Variants in PCDHGB1 observed in about 807,000 individuals in gnomAD.
The protein encoded by PCDHGB1 is protocadherin gamma subfamily B, 1.
In PCDHGB1, 34 loss-of-function variants were observed where a neutral mutation model predicts 56.6. The ratio of observed to expected loss-of-function variants is 0.60; its 90% CI spans 0.46 to 0.80. The LOEUF is 0.80. Among genes scored for constraint, PCDHGB1 ranks in the 30% least tolerant of loss-of-function variants. The pLI is 0.00. For missense variants in PCDHGB1, 1,278 were observed against 1,204.6 expected (o/e 1.06, Z -0.90); for synonymous variants, 561 against 505.9 (o/e 1.11, Z -1.46).
chr5:141,396,870 A>G (rs536206475), intron 1 of PCDHGB1, among the ~76,000 whole-genome samples: 3 of 152,328 alleles, frequency 2.0e-5, no homozygotes, highest in African/African-American at 7.2e-5. Flanking sequence ...TACCATTTGG[A>G]TGCACATTTG....
intron 1 of PCDHGB1, among the ~76,000 whole-genome samples, chr5:141,481,109 A>G (rs959629019): frequency 6.6e-6 from 1 of 152,186 alleles, no homozygotes; most frequent in Non-Finnish European, 1.5e-5. Flanking sequence ...GGAACCTACC[A>G]ATCCATCATT....
intron 1 of PCDHGB1, chr5:141,393,241 A>C (rs377394191): frequency 1.8e-4 from 292 of 1,613,684 alleles, no homozygotes; most frequent in Non-Finnish European, 2.3e-4. Context: ...GTAAAAATTA[A>C]CGAAATCGCG....
intron 3 of PCDHGB1, among the ~76,000 whole-genome samples, chr5:141,508,841 C>A (rs969875150): frequency 6.6e-6 from 1 of 152,140 alleles, no homozygotes; most frequent in East Asian, 1.9e-4. Context: ...TCCCCTACCC[C>A]TTCCATTCCC....
intron 1 of PCDHGB1, chr5:141,362,457 G>C (rs1290295372): frequency 6.2e-7 from 1 of 1,614,004 alleles, no homozygotes; most frequent in South Asian, 1.1e-5. Context: ...CCCCGGAATT[G>C]GTTCCCGCGC....
chr5:141,466,683 A>G (rs1347308492), intron 1 of PCDHGB1, among the ~76,000 whole-genome samples: 1 of 152,170 alleles, frequency 6.6e-6, no homozygotes, highest in African/African-American at 2.4e-5. Context: ...CTTCCACTCA[A>G]GCTTCATCAT....
chr5:141,351,350 C>T lies in PCDHGB1; in HGVS notation c.1090C>T (p.Leu364Phe), dbSNP rs868438981. Residue 364 changes from leucine to phenylalanine, a missense_variant, in exon 1 of 4, where the codon CTC (leucine) becomes TTC (phenylalanine). Leu to Phe is a conservative substitution (Grantham distance 22). Transcript: ENST00000523390. ...EDSDLGTVIA[L>F]IKVRDKDSGQ... ...TTCAGACCTTGGAACTGTAATAGCC[C>T]TCATAAAAGTGCGAGACAAGGATTC... is the stretch of plus-strand genomic sequence containing the variant. 5.6e-6 allele frequency: 9 copies of T among 1,613,300 alleles called. No individual in the cohort carries two copies. The highest frequency in any genetic ancestry group is 5.3e-5 in the African/African-American group (4 of 75,036).
At chr5:141,400,609 A>G (rs376731583) in intron 1 of PCDHGB1, 129 of 1,577,604 alleles carry the variant, frequency 8.2e-5, no homozygotes, top group South Asian at 3.2e-4. Flanking sequence ...TTCAAGTCCA[A>G]TGAGTTGTCT....
In PCDHGB1 at chr5:141,432,908, C is replaced by T. The variant is rs757934634; in HGVS notation, c.2410-61899C>T. On this transcript the variant is annotated intron_variant, in intron 1 of 3. Transcript: ENST00000523390. This position sits in a 1 kb window ranked among gnomAD's most constrained non-coding sequence, Gnocchi z 6.0. Reference sequence around the variant, plus strand: ...CATCTTGCTGCTGGCGCTCAGGCTGCGGCGCTGGCACAAGTCACGCCTGCT... The same window carrying T: ...CATCTTGCTGCTGGCGCTCAGGCTGTGGCGCTGGCACAAGTCACGCCTGCT... 3.7e-5 allele frequency: 60 copies of T among 1,614,050 alleles called. No individual in the cohort carries two copies. Among genetic ancestry groups the T allele is most frequent in the Middle Eastern group, 3.3e-4 (2 of 6,082 alleles).
intron 1 of PCDHGB1, among the ~76,000 whole-genome samples, chr5:141,406,174 G>T (rs990967391): frequency 6.6e-6 from 1 of 151,264 alleles, no homozygotes; most frequent in African/African-American, 2.4e-5. Context: ...CTGGGCTTAT[G>T]CAATCCTCCC....
At chr5:141,392,160 T>C (rs1426961496) in intron 1 of PCDHGB1, 1 of 152,220 alleles carries the variant, frequency 6.6e-6, no homozygotes, top group Non-Finnish European at 1.5e-5. Context: ...TAAAACAATT[T>C]CTGAGTCAGT....
intron 1 of PCDHGB1, chr5:141,393,007 G>C: frequency 6.2e-7 from 1 of 1,613,850 alleles, no homozygotes; most frequent in Non-Finnish European, 8.5e-7. Context: ...CACGGAGTCC[G>C]TATCGTCTCC....
At chr5:141,380,998 A>G (rs1382906356) in intron 1 of PCDHGB1, among the ~76,000 whole-genome samples, 1 of 152,262 alleles carries the variant, frequency 6.6e-6, no homozygotes, top group East Asian at 1.9e-4. Context: ...CAGTTTACAG[A>G]ATTCATCTAT....
chr5:141,451,576 C>G (rs997933491), intron 1 of PCDHGB1, among the ~76,000 whole-genome samples: 10 of 152,164 alleles, frequency 6.6e-5, no homozygotes, highest in Middle Eastern at 3.4e-3. Context: ...TTTTTATAAA[C>G]CTAATTTTGA....
intron 1 of PCDHGB1, chr5:141,433,153 A>G (rs896611410): frequency 3.1e-6 from 5 of 1,613,482 alleles, no homozygotes; most frequent in African/African-American, 2.7e-5. Flanking sequence ...GTGATTCGGT[A>G]TTTTCTAAAG....
Position 141,350,903 on chromosome 5 carries a change from G to T in PCDHGB1, c.643G>T (p.Gly215Trp). 2 of 1,614,070 alleles carry T rather than the reference G, an allele frequency of 1.2e-6. No individual in the cohort carries two copies. The highest frequency in any genetic ancestry group is 4.5e-5 in the East Asian group (2 of 44,888). Reference protein sequence around the residue: ...HRLILTAMDGGDPPLSGTTHI... With the variant: ...HRLILTAMDGWDPPLSGTTHI... Reference sequence around the variant, plus strand: ...CTTAATCCTGACTGCCATGGATGGCGGGGACCCGCCTCTAAGCGGCACCAC... The same window carrying T: ...CTTAATCCTGACTGCCATGGATGGCTGGGACCCGCCTCTAAGCGGCACCAC... The change falls in exon 1 of 4, where the codon GGG becomes TGG. Residue 215 changes from glycine to tryptophan, a missense_variant. Physicochemically the swap from Gly to Trp is radical, Grantham distance 184. Coordinates refer to ENST00000523390, the MANE Select transcript of PCDHGB1 (RefSeq NM_018922.3).
chr5:141,437,651 CAT>C (rs1255783396), intron 1 of PCDHGB1, among the ~76,000 whole-genome samples: 2 of 151,990 alleles, frequency 1.3e-5, no homozygotes, highest in Non-Finnish European at 2.9e-5. Context: ...AAAGCAAACA[CAT>C]AGTTTCGAAG....
At chr5:141,418,171 G>A (rs2096234086) in intron 1 of PCDHGB1, 1 of 1,613,952 alleles carries the variant, frequency 6.2e-7, no homozygotes, top group African/African-American at 1.3e-5. Flanking sequence ...GATGTGAGTT[G>A]CAATTGGAAG....
Position 141,489,323 on chromosome 5 carries a change from C to T in PCDHGB1, c.2410-5484C>T, listed in dbSNP as rs746520513. 1 of 1,601,632 alleles carries T rather than the reference C, an allele frequency of 6.2e-7. No individual in the cohort carries two copies. Among genetic ancestry groups the T allele is most frequent in the Non-Finnish European group, 8.5e-7 (1 of 1,172,950 alleles). ...TCCTTGTGCTGCTGGGGCTGGGTGT[C>T]TGGGCAGCTTCGTTACTCAGTGGTG... On this transcript the variant is annotated intron_variant, in intron 1 of 3. Coordinates refer to ENST00000523390, the MANE Select transcript of PCDHGB1 (RefSeq NM_018922.3). The surrounding 1 kb of genome is among the most constrained non-coding windows in gnomAD (Gnocchi z 4.5).
chr5:141,357,352 C>T (rs1341933650), intron 1 of PCDHGB1: 2 of 1,614,156 alleles, frequency 1.2e-6, no homozygotes, highest in Non-Finnish European at 1.7e-6. Flanking sequence ...CAAGCTGAGA[C>T]GCTGGCACAA....
Sources: allele counts gnomAD v4.1 joint callset (sites outside exome capture counted in the v4.1 genomes callset), GRCh38; gene constraint gnomAD v4.1.1; non-coding constraint Gnocchi (gnomAD v3.1); transcripts MANE v1.5; gene names NCBI Gene and HGNC (gene_info 2026-07-23, HGNC 2026-07-21).